Variants in DIAPH3 observed in about 807,000 individuals in gnomAD.
DIAPH3 encodes diaphanous related formin 3.
In DIAPH3, 117 loss-of-function variants were observed where a neutral mutation model predicts 144.3. The observed-to-expected ratio is 0.81, with a 90% confidence interval of 0.70 to 0.95. The LOEUF (loss-of-function observed/expected upper bound fraction) is 0.95, where lower values mean the gene tolerates loss of function less well. DIAPH3 is among the 40% of genes least tolerant of loss of function. The probability of loss-of-function intolerance (pLI) is 0.00; values close to 1 mark genes in which losing one functional copy is unlikely to be tolerated. For synonymous variants in DIAPH3, 519 were observed against 488.9 expected, an observed-to-expected ratio of 1.06 and a Z score of -0.81; for missense variants, 1,421 against 1,412.7, an observed-to-expected ratio of 1.01 and a Z score of -0.09.
At chr13:59,730,053 T>G (rs1593692003) in intron 27 of DIAPH3, among the ~76,000 whole-genome samples, 2 of 152,078 alleles carry the variant, frequency 1.3e-5, no homozygotes, top group East Asian at 3.9e-4. Flanking sequence ...TTGAAAGCTA[T>G]TACAGTATTT....
At chr13:60,066,556 G>C (rs2056973817) in intron 4 of DIAPH3, among the ~76,000 whole-genome samples, 1 of 152,178 alleles carries the variant, frequency 6.6e-6, no homozygotes, top group African/African-American at 2.4e-5. Context: ...AGGAGAAAGT[G>C]AATCTAGACC....
intron 27 of DIAPH3, among the ~76,000 whole-genome samples, chr13:59,764,545 G>T (rs9528036): frequency 1.3e-5 from 2 of 148,996 alleles, no homozygotes; most frequent in African/African-American, 5.0e-5. Context: ...ACCGTATTTG[G>T]AAATAGGATC....
At chr13:59,758,752 C>T (rs1475527932) in intron 27 of DIAPH3, among the ~76,000 whole-genome samples, 3 of 150,804 alleles carry the variant, frequency 2.0e-5, no homozygotes, top group East Asian at 3.9e-4. Flanking sequence ...GAAGAGGGGG[C>T]TTCACAGAGG....
At chr13:60,049,908 G>A (rs559273142) in intron 4 of DIAPH3, among the ~76,000 whole-genome samples, 22 of 152,214 alleles carry the variant, frequency 1.4e-4, no homozygotes, top group Non-Finnish European at 2.5e-4. Context: ...ACGCTTGTGC[G>A]GCTAAGCATG....
intron 4 of DIAPH3, among the ~76,000 whole-genome samples, chr13:60,060,751 T>C (rs1449906210): frequency 1.3e-5 from 2 of 152,072 alleles, no homozygotes; most frequent in African/African-American, 2.4e-5. Context: ...AAAAGGATAA[T>C]AGACCTAAAT....
intron 1 of DIAPH3, among the ~76,000 whole-genome samples, chr13:60,160,084 C>T (rs532442334): frequency 1.5e-4 from 23 of 152,166 alleles, no homozygotes; most frequent in South Asian, 2.1e-4. Flanking sequence ...ATTAGCCGGG[C>T]GTTGCGGTGG....
At chr13:59,950,137 TTTTAA>T (rs10611620) in intron 17 of DIAPH3, among the ~76,000 whole-genome samples, 83,436 of 151,502 alleles carry the variant, frequency 0.55, 23,478 homozygotes, top group Admixed American at 0.6. Context: ...CAATATAATA[TTTTAA>T]TTTATTTATA....
intron 25 of DIAPH3, among the ~76,000 whole-genome samples, chr13:59,781,502 A>T (rs949102442): frequency 1.3e-5 from 2 of 152,204 alleles, no homozygotes; most frequent in African/African-American, 4.8e-5. Flanking sequence ...TGGCAAAAGG[A>T]ATTCCCAGGA....
intron 20 of DIAPH3, among the ~76,000 whole-genome samples, chr13:59,905,687 T>C (rs1310078638): frequency 6.6e-6 from 1 of 152,170 alleles, no homozygotes; most frequent in Non-Finnish European, 1.5e-5. Flanking sequence ...TCTTGGATTA[T>C]CTGGGAAGGC....
chr13:59,913,859 G>A (rs1271285568), intron 19 of DIAPH3, among the ~76,000 whole-genome samples: 2 of 152,020 alleles, frequency 1.3e-5, no homozygotes, highest in African/African-American at 2.4e-5. Context: ...TCAGGAGGCT[G>A]AGGCAGAAGA....
At chr13:60,012,080 GAACTA>G (rs1340031070) in intron 7 of DIAPH3, among the ~76,000 whole-genome samples, 1 of 152,172 alleles carries the variant, frequency 6.6e-6, no homozygotes. Context: ...ACAAGCCTAT[GAACTA>G]AACTCAAAAT....
In DIAPH3 at chr13:60,112,043, C is replaced by G. The variant is rs200771789; in HGVS notation, c.357G>C (p.Glu119Asp). The change falls in exon 3 of 28, where the codon GAG (glutamate) becomes GAC (aspartate). Residue 119 changes from glutamate (E) to aspartate (D), a missense_variant. By Grantham distance (45) the Glu-to-Asp change is conservative. Transcript: ENST00000400324. ...MMENFPKPLS[E>D]NELLELFEKM... is the part of the protein sequence containing the mutation. ...TTTCAAAAAGTTCTAAGAGTTCATTCTCTGACAGTGGCTTTGGAAAGTTCT... is the reference window on the plus strand; with the variant it reads ...TTTCAAAAAGTTCTAAGAGTTCATTGTCTGACAGTGGCTTTGGAAAGTTCT... 753 of 1,614,030 alleles carry G rather than the reference C, an allele frequency of 4.7e-4. 1 individual carries two copies. The highest frequency in any genetic ancestry group is 6.0e-4 in the Non-Finnish European group (703 of 1,180,028).
chr13:60,032,560 C>G (rs1160551896), intron 5 of DIAPH3, among the ~76,000 whole-genome samples: 2 of 152,214 alleles, frequency 1.3e-5, no homozygotes, highest in Admixed American at 1.3e-4. Flanking sequence ...ACCAGGGCCA[C>G]TTTGAGCTAA....
chr13:60,019,865 C>A (rs2053893044), intron 5 of DIAPH3, among the ~76,000 whole-genome samples: 1 of 151,900 alleles, frequency 6.6e-6, no homozygotes, highest in Admixed American at 6.6e-5. Context: ...CCAAAAGGAA[C>A]AAAGCGCTCT....
At chr13:59,932,615 CT>C (rs2048074914) in intron 17 of DIAPH3, among the ~76,000 whole-genome samples, 1 of 152,080 alleles carries the variant, frequency 6.6e-6, no homozygotes, top group African/African-American at 2.4e-5. Context: ...CCAATTCTAC[CT>C]TTTGAAAATA....
rs140562604 is a variant in DIAPH3, at chr13:59,918,762, T to C, written c.2171-2513A>G. Among the ~76,000 whole-genome samples the C allele has an allele frequency of 4.9e-3, 740 of 152,164 alleles. 24 individuals carry two copies. Among genetic ancestry groups the C allele is most frequent in the Admixed American group, 0.044 (666 of 15,276 alleles). On this transcript the variant is annotated intron_variant, in intron 18 of 27. Coordinates refer to ENST00000400324, the MANE Select transcript of DIAPH3 (RefSeq NM_001042517.2). The stretch of plus-strand genomic sequence containing the variant: ...TGAGAAGAATGGAATAAATATCTAC[T>C]TCTTCAACATGCAGACAGCAACACT...
chr13:59,666,893 A>G (rs902580475), intron 27 of DIAPH3, 47 bp from the exon 28 acceptor site: 1 of 1,605,214 alleles, frequency 6.2e-7, no homozygotes, highest in African/African-American at 1.3e-5. Flanking sequence ...CATGATAACC[A>G]AGGACTGTGC....
chr13:59,924,741 C>T, intron 18 of DIAPH3, 34 bp downstream of exon 18: 3 of 1,584,056 alleles, frequency 1.9e-6, no homozygotes, highest in Non-Finnish European at 2.6e-6. Flanking sequence ...AATATTTCCA[C>T]TGTCTTTGAA....
intron 27 of DIAPH3, among the ~76,000 whole-genome samples, chr13:59,682,252 CAT>C (rs1277437892): frequency 6.6e-6 from 1 of 152,212 alleles, no homozygotes. Context: ...GGTCCAGAGT[CAT>C]AAAATTATTT....
Sources: gnomAD v4.1 joint callset for allele counts (sites outside exome capture counted in the v4.1 genomes callset) on GRCh38, gnomAD v4.1.1 for gene constraint, MANE v1.5 for transcripts, NCBI Gene and HGNC (gene_info 2026-07-23, HGNC 2026-07-21) for gene names.